The following PIEZO2 variants were observed in gnomAD, a reference collection of about 807,000 sequenced individuals.
PIEZO2 encodes piezo-type mechanosensitive ion channel component 2.
Under a neutral mutation model 337.3 loss-of-function variants are expected in PIEZO2, and 172 were observed. The ratio of observed to expected loss-of-function variants is 0.51; its 90% CI spans 0.45 to 0.58. PIEZO2 has a LOEUF of 0.58. Among genes scored for constraint, PIEZO2 ranks in the 20% least tolerant of loss-of-function variants. The probability of loss-of-function intolerance (pLI) is 0.00; values close to 1 mark genes in which losing one functional copy is unlikely to be tolerated. For synonymous variants in PIEZO2, 1,251 were observed against 1,228.5 expected, an observed-to-expected ratio of 1.02 and a Z score of -0.38; for missense variants, 3,028 against 3,391.3, an observed-to-expected ratio of 0.89 and a Z score of 2.66.
intron 3 of PIEZO2, among the ~76,000 whole-genome samples, chr18:10,915,555 C>A (rs2030868023): frequency 6.6e-6 from 1 of 152,128 alleles, no homozygotes; most frequent in African/African-American, 2.4e-5. Context: ...GCATTTCCCC[C>A]AAATTAACAT....
chr18:10,748,574 T>C lies in PIEZO2; in HGVS notation c.4321A>G (p.Ser1441Gly). Residue 1441 changes from serine to glycine, a missense_variant, in exon 30 of 56, where the codon AGC becomes GGC. Physicochemically the swap from Ser to Gly is moderately conservative, Grantham distance 56 (BLOSUM62 0). Coordinates refer to ENST00000674853, the MANE Select transcript of PIEZO2 (RefSeq NM_001378183.1). This position sits in a 1 kb window ranked among gnomAD's most constrained non-coding sequence, Gnocchi z 5.1. ...PSGEAGIIWD[S>G]ICFAFLLLQR... ...AGCAGGAGGAAGGCAAAACATATGC[T>C]GTCCCAAATGATTCCTGCTTCCCCA... 6.5e-7 allele frequency: 1 copy of C among 1,533,416 alleles called. No homozygotes were observed. Among genetic ancestry groups the C allele is most frequent in the Non-Finnish European group, 8.7e-7 (1 of 1,145,400 alleles). The allele number at this position is 1,533,416 out of a possible 1,614,324, so 95.0% of individuals were successfully genotyped here.
intron 5 of PIEZO2, among the ~76,000 whole-genome samples, chr18:10,869,298 C>T (rs1384979086): frequency 2.6e-5 from 4 of 152,186 alleles, no homozygotes; most frequent in Non-Finnish European, 5.9e-5. Flanking sequence ...ATTTTCAATA[C>T]TTATCCTTTC....
At chr18:11,138,264 A>C (rs2040544488) in intron 1 of PIEZO2, among the ~76,000 whole-genome samples, 1 of 152,130 alleles carries the variant, frequency 6.6e-6, no homozygotes, top group African/African-American at 2.4e-5. Context: ...ACAATCCAAA[A>C]GATATAGTGT....
rs372420465 is a variant in PIEZO2 at position 10,682,783 on chromosome 18, A to C, written c.7498-491T>G. On this transcript the variant is annotated intron_variant, in intron 49 of 55. Transcript: ENST00000674853. This position sits in a 1 kb window ranked among gnomAD's most constrained non-coding sequence, Gnocchi z 5.6. ...ATTCATGACACGTGTTGTTAAAGAC[A>C]ATGTTGTTCGACACCTAAGGTAAGA... is the stretch of plus-strand genomic sequence containing the variant. 7.7e-5 allele frequency among the ~76,000 whole-genome samples: 5 copies of C among 65,266 alleles called. No homozygotes were observed. The highest frequency in any genetic ancestry group is 1.2e-4 in the African/African-American group (3 of 25,668). 42.8% of individuals were successfully genotyped at this position (65,266 alleles called of 152,430 possible).
At chr18:10,986,883 C>G (rs2034896556) in intron 2 of PIEZO2, among the ~76,000 whole-genome samples, 1 of 151,804 alleles carries the variant, frequency 6.6e-6, no homozygotes. Context: ...TTAACGAAAT[C>G]AATGTATAAA....
chr18:10,961,330 T>G (rs2033771534), intron 3 of PIEZO2, among the ~76,000 whole-genome samples: 1 of 152,188 alleles, frequency 6.6e-6, no homozygotes, highest in Admixed American at 6.5e-5. Flanking sequence ...CCAAACATCG[T>G]ATGTTCTTAC....
chr18:10,937,960 A>G (rs1275739226), intron 3 of PIEZO2, among the ~76,000 whole-genome samples: 1 of 152,222 alleles, frequency 6.6e-6, no homozygotes, highest in African/African-American at 2.4e-5. Flanking sequence ...CGGAGTAGAG[A>G]TGAGAGAAGT....
At chr18:10,916,059 G>A (rs960367923) in intron 3 of PIEZO2, among the ~76,000 whole-genome samples, 1 of 152,168 alleles carries the variant, frequency 6.6e-6, no homozygotes, top group East Asian at 1.9e-4. Context: ...GACACAGAGT[G>A]CTTGGCAGAA....
intron 2 of PIEZO2, among the ~76,000 whole-genome samples, chr18:11,023,604 C>T (rs558720769): frequency 5.4e-4 from 82 of 152,380 alleles, no homozygotes; most frequent in African/African-American, 1.6e-3. Context: ...GATCCCGCAC[C>T]GGGGCGGCAG....
At chr18:10,728,906 G>A (rs1446789986) in intron 36 of PIEZO2, among the ~76,000 whole-genome samples, 1 of 142,680 alleles carries the variant, frequency 7.0e-6, no homozygotes, top group East Asian at 2.1e-4. Context: ...AGTGAGCTGA[G>A]ATGGCGCCAC....
In PIEZO2 at chr18:10,710,715, C is replaced by A. The variant is rs545403529; in HGVS notation, c.5424-2276G>T. 6.6e-5 allele frequency among the ~76,000 whole-genome samples: 10 copies of A among 152,336 alleles called. No homozygotes were observed. The East Asian group carries it at 1.9e-3, about 29-fold the overall frequency. ...CACTGGCCACACTGGGTGAGCATGA[C>A]CTCACTGGGGAGTGGCAGCCTCCTG... is the stretch of plus-strand genomic sequence containing the variant. On this transcript the variant is annotated intron_variant, in intron 39 of 55. Transcript: ENST00000674853.
intron 2 of PIEZO2, among the ~76,000 whole-genome samples, chr18:10,999,623 G>T (rs141840368): frequency 1.3e-5 from 2 of 152,114 alleles, no homozygotes; most frequent in African/African-American, 4.8e-5. Flanking sequence ...TAAGACACTT[G>T]AGCACCCAAG....
intron 3 of PIEZO2, among the ~76,000 whole-genome samples, chr18:10,931,512 T>C (rs1050034170): frequency 9.2e-5 from 14 of 152,222 alleles, no homozygotes; most frequent in Non-Finnish European, 1.5e-4. Context: ...CTACTTATAA[T>C]TTTAATAGAC....
Position 11,051,789 on chromosome 18 carries a change from T to C in PIEZO2, c.160+14338A>G, listed in dbSNP as rs540905484. 7.2e-5 allele frequency among the ~76,000 whole-genome samples: 11 copies of C among 152,348 alleles called. No individual in the cohort carries two copies. In the East Asian group the frequency reaches 2.1e-3, roughly 29 times the overall value. ...TTCTGTAGTTCTTGTTGAAACCAAC[T>C]GAAAAGGGCTCTGGACTTTGGACAA... is the stretch of plus-strand genomic sequence containing the variant. On this transcript the variant is annotated intron_variant, in intron 2 of 55. Transcript: ENST00000674853.
intron 23 of PIEZO2, among the ~76,000 whole-genome samples, chr18:10,761,666 G>A (rs1000330132): frequency 1.1e-4 from 17 of 152,130 alleles, no homozygotes; most frequent in African/African-American, 3.4e-4. Context: ...GACACAATTC[G>A]ATCACCCTTT....
intron 9 of PIEZO2, 64 bp from the exon 10 acceptor site, chr18:10,801,492 A>G: frequency 7.1e-7 from 1 of 1,405,566 alleles, no homozygotes; most frequent in Non-Finnish European, 9.7e-7. Flanking sequence ...CTGTTTATGT[A>G]TCTATAAAGT....
At position 11,066,134 on chromosome 18, in the gene PIEZO2, C is replaced by T. The variant is rs753427610; in HGVS notation, c.153G>A (p.Thr51=). Residue 51 remains threonine, a synonymous_variant, in exon 2 of 56, where the codon ACG becomes ACA. Coordinates refer to ENST00000674853, the MANE Select transcript of PIEZO2 (RefSeq NM_001378183.1). Reference sequence around the variant, plus strand: ...ATAACAAAATTCTCTTACCTTGCATCGTCGTTTTTGTTGGTTCTGAGAACA... The same window carrying T: ...ATAACAAAATTCTCTTACCTTGCATTGTCGTTTTTGTTGGTTCTGAGAACA... The part of the protein sequence containing the change: ...IPLFSEPTKT[T]MQGHTGRLLK... 3.4e-5 allele frequency: 52 copies of T among 1,531,134 alleles called. No individual in the cohort carries two copies. The East Asian group carries it at 1.1e-3, about 31-fold the overall frequency. The allele number at this position is 1,531,134 out of a possible 1,614,324, so 94.8% of individuals were successfully genotyped here.
At position 10,676,854 on chromosome 18, in the gene PIEZO2, A is replaced by G. The variant is rs140542506; in HGVS notation, c.8081+893T>C. On this transcript the variant is annotated intron_variant, in intron 53 of 55. Transcript: ENST00000674853. This position sits in a 1 kb window ranked among gnomAD's most constrained non-coding sequence, Gnocchi z 5.1. ...AATGACAAGAGGCCTGAATCATTTT[A>G]GTGCAGTCCCATGTCCCATTCCTGA... is the stretch of plus-strand genomic sequence containing the variant. 2.6e-4 allele frequency among the ~76,000 whole-genome samples: 39 copies of G among 152,348 alleles called. No individual in the cohort carries two copies. In the East Asian group the frequency reaches 6.8e-3, roughly 26 times the overall value.
intron 43 of PIEZO2, among the ~76,000 whole-genome samples, chr18:10,699,866 G>A (rs1297822490): frequency 6.6e-6 from 1 of 152,120 alleles, no homozygotes; most frequent in African/African-American, 2.4e-5. Context: ...CTTTGGCCAC[G>A]CATTTGCTTC....
Sources: allele counts gnomAD v4.1 joint callset (sites outside exome capture counted in the v4.1 genomes callset), GRCh38; gene constraint gnomAD v4.1.1; non-coding constraint Gnocchi (gnomAD v3.1); transcripts MANE v1.5; gene names NCBI Gene and HGNC (gene_info 2026-07-23, HGNC 2026-07-21).